The following PPY variants were observed in gnomAD, a reference collection of about 807,000 sequenced individuals.
The protein encoded by PPY is pancreatic polypeptide prohormone.
PPY carries 6 observed loss-of-function variants against 9.3 expected under a neutral mutation model. The observed-to-expected ratio is 0.64, with a 90% confidence interval of 0.35 to 1.27. PPY has a LOEUF of 1.27. Ranked by LOEUF, PPY falls within the 50% of genes most tolerant of loss-of-function variation. The probability of loss-of-function intolerance (pLI) is 0.03; values close to 1 mark genes in which losing one functional copy is unlikely to be tolerated. For synonymous variants in PPY, 58 were observed against 54.6 expected, an observed-to-expected ratio of 1.06 and a Z score of -0.27; for missense variants, 109 against 119.1, an observed-to-expected ratio of 0.91 and a Z score of 0.40.
Position 43,941,051 on chromosome 17 carries a change from C to A in PPY, c.263+92G>T, listed in dbSNP as rs528204576. On this transcript the variant is annotated intron_variant, in intron 3 of 3. Coordinates refer to ENST00000225992, the MANE Select transcript of PPY (RefSeq NM_002722.5). ...GGGCTCCTGTTCTCCCTCTTCCACC[C>A]CCCACTACACCTTTCCAAGCCCTGA... 1.1e-4 allele frequency: 167 copies of A among 1,546,292 alleles called. No individual in the cohort carries two copies. In the African/African-American group the frequency reaches 2.1e-3, roughly 19 times the overall value.
upstream of PPY, among the ~76,000 whole-genome samples, chr17:43,944,016 A>G (rs945068605): frequency 6.6e-6 from 1 of 152,240 alleles, no homozygotes; most frequent in East Asian, 1.9e-4. Flanking sequence ...CTTACATTCC[A>G]CAAAGCAAAT....
upstream of PPY, among the ~76,000 whole-genome samples, chr17:43,942,741 C>T (rs990174978): frequency 1.3e-5 from 2 of 152,230 alleles, no homozygotes; most frequent in East Asian, 1.9e-4. This position sits in a 1 kb window ranked among gnomAD's most constrained non-coding sequence, Gnocchi z 5.3. Flanking sequence ...GGCACCAGAG[C>T]AGGCTTGGTT....
chr17:43,941,660 G>A lies in PPY; in HGVS notation c.1-6C>T. The A allele has an allele frequency of 3.8e-6, 6 of 1,592,518 alleles. No individual in the cohort carries two copies. The highest frequency in any genetic ancestry group is 2.1e-4 in the Middle Eastern group (1 of 4,684). On this transcript the variant is annotated splice_polypyrimidine_tract_variant and splice_region_variant and intron_variant, in intron 1 of 3. Coordinates refer to ENST00000225992, the MANE Select transcript of PPY (RefSeq NM_002722.5). ...CAGAGGCGTGCGGCAGCCATCTGAG[G>A]AGCAAGCAGAGGGGAGGTGGAGAGC...
rs2048584682 is a variant in PPY at position 43,942,260 on chromosome 17, C to T, written c.-1+161G>A. On this transcript the variant is annotated intron_variant, in intron 1 of 3. Transcript: ENST00000225992. This position sits in a 1 kb window ranked among gnomAD's most constrained non-coding sequence, Gnocchi z 5.3. ...ACACACACGTGCAGTCAGCAGACGG[C>T]TCTTCTAGCGTGACAGGTCTGTCCA... 6.4e-6 allele frequency: 1 copy of T among 155,420 alleles called. No individual in the cohort carries two copies. The highest frequency in any genetic ancestry group is 1.4e-5 in the Non-Finnish European group (1 of 69,864). 9.6% of individuals were successfully genotyped at this position (155,420 alleles called of 1,614,324 possible).
chr17:43,941,699 T>G, intron 1 of PPY, 45 bp from the exon 2 acceptor site: 1 of 1,527,188 alleles, frequency 6.5e-7, no homozygotes, highest in South Asian at 1.2e-5. Flanking sequence ...GGCTGCAGAT[T>G]TTCCCGTGCC....
Position 43,941,633 on chromosome 17 carries a change from G to C in PPY, c.22C>G (p.Leu8Val). 3.1e-6 allele frequency: 5 copies of C among 1,611,092 alleles called. No homozygotes were observed. Among genetic ancestry groups the C allele is most frequent in the Non-Finnish European group, 4.2e-6 (5 of 1,179,180 alleles). The change falls in exon 2 of 4, where the codon CTC (leucine) becomes GTC (valine). Residue 8 changes from leucine to valine, a missense_variant. Transcript: ENST00000225992. ...CAGGTGGACAGGAGCAGCAGGGAGA[G>C]GCAGAGGCGTGCGGCAGCCATCTGA... MAAARLC[L>V]SLLLLSTCVA... is the part of the protein sequence containing the mutation.
Position 43,940,846 on chromosome 17 carries a change from C to T in PPY, c.*82G>A. ...ATTGAGCCTGTGTGGGAGCAGGGAG[C>T]AAGCTTTGGCCAGAGCCAAGGGTGC... is the stretch of plus-strand genomic sequence containing the variant. On this transcript the variant is annotated 3_prime_UTR_variant, in exon 4 of 4. Transcript: ENST00000225992. 1 of 1,529,792 alleles carries T rather than the reference C, an allele frequency of 6.5e-7. No individual in the cohort carries two copies. The highest frequency in any genetic ancestry group is 8.9e-7 in the Non-Finnish European group (1 of 1,124,130). The allele number at this position is 1,529,792 out of a possible 1,614,324, so 94.8% of individuals were successfully genotyped here.
chr17:43,941,336 G>T, intron 2 of PPY, 122 bp from the exon 3 acceptor site: 10 of 1,510,418 alleles, frequency 6.6e-6, no homozygotes, highest in Non-Finnish European at 9.0e-6. Flanking sequence ...GAGCACAGAT[G>T]CCCTGTTTTC....
rs773106356 is a variant in PPY at position 43,942,258 on chromosome 17, G to A, written c.-1+163C>T. The A allele has an allele frequency of 3.2e-5, 5 of 155,474 alleles. No homozygotes were observed. The highest frequency in any genetic ancestry group is 4.8e-5 in the African/African-American group (2 of 41,498). 9.6% of individuals were successfully genotyped at this position (155,474 alleles called of 1,614,324 possible). On this transcript the variant is annotated intron_variant, in intron 1 of 3. Transcript: ENST00000225992. This position sits in a 1 kb window ranked among gnomAD's most constrained non-coding sequence, Gnocchi z 5.3. ...GCACACACACGTGCAGTCAGCAGAC[G>A]GCTCTTCTAGCGTGACAGGTCTGTC... is the stretch of plus-strand genomic sequence containing the variant.
upstream of PPY, among the ~76,000 whole-genome samples, chr17:43,942,641 T>C (rs1182081759): frequency 2.0e-5 from 3 of 152,236 alleles, no homozygotes. This position sits in a 1 kb window ranked among gnomAD's most constrained non-coding sequence, Gnocchi z 5.3. Context: ...AGGGCAGTTC[T>C]GTGGGTGCCA....
In PPY at chr17:43,941,472, G is replaced by C; in HGVS notation, c.183C>G (p.Thr61=). 2 of 1,613,874 alleles carry C rather than the reference G, an allele frequency of 1.2e-6. No homozygotes were observed. Among genetic ancestry groups the C allele is most frequent in the Non-Finnish European group, 1.7e-6 (2 of 1,179,992 alleles). The change falls in exon 2 of 4, where the codon ACC becomes ACG. Residue 61 remains threonine (T), a synonymous_variant. Coordinates refer to ENST00000225992, the MANE Select transcript of PPY (RefSeq NM_002722.5). The stretch of plus-strand genomic sequence containing the variant: ...CCAACTGTGGCACACACCTAGGCCT[G>C]GTCAGCATGTTGATGTATCTACGGA... ...ADLRRYINML[T]RPRYGKRHKE...
At chr17:43,941,704 C>CGT in intron 1 of PPY, 50 bp from the exon 2 acceptor site, 4 of 1,516,722 alleles carry the variant, frequency 2.6e-6, no homozygotes, top group South Asian at 1.2e-5. Context: ...CAGATTTTCC[C>CGT]GTGCCCAGGA....
At chr17:43,942,724 C>T (rs1463497345), upstream of PPY, among the ~76,000 whole-genome samples, 1 of 152,236 alleles carries the variant, frequency 6.6e-6, no homozygotes, top group Non-Finnish European at 1.5e-5. The surrounding 1 kb of genome is among the most constrained non-coding windows in gnomAD (Gnocchi z 5.3). Context: ...GACACCCCTT[C>T]CCTTTGGGCA....
chr17:43,943,561 A>G (rs2048591553), upstream of PPY, among the ~76,000 whole-genome samples: 3 of 151,916 alleles, frequency 2.0e-5, no homozygotes, highest in South Asian at 6.2e-4. Flanking sequence ...TCTCTTCCCA[A>G]CCCCCAGTCT....
upstream of PPY, among the ~76,000 whole-genome samples, chr17:43,943,760 G>C (rs934300542): frequency 2.6e-5 from 4 of 151,450 alleles, no homozygotes; most frequent in Non-Finnish European, 4.4e-5. Context: ...GATCTGGCAG[G>C]GTGGGCTTAG....
chr17:43,941,456 G>A lies in PPY; in HGVS notation c.191+8C>T. 4 of 1,613,690 alleles carry A rather than the reference G, an allele frequency of 2.5e-6. No individual in the cohort carries two copies. Among genetic ancestry groups the A allele is most frequent in the Non-Finnish European group, 3.4e-6 (4 of 1,179,918 alleles). ...GCTGGGATCTCTCTCCCCAACTGTG[G>A]CACACACCTAGGCCTGGTCAGCATG... is the stretch of plus-strand genomic sequence containing the variant. On this transcript the variant is annotated splice_region_variant and intron_variant, in intron 2 of 3. Transcript: ENST00000225992.
chr17:43,943,737 G>A (rs2048592750), upstream of PPY, among the ~76,000 whole-genome samples: 1 of 152,164 alleles, frequency 6.6e-6, no homozygotes, highest in Admixed American at 6.5e-5. Flanking sequence ...GGGACTGGAG[G>A]TGAAACTCCA....
intron 1 of PPY, 70 bp from the exon 2 acceptor site, chr17:43,941,724 C>A: frequency 7.0e-7 from 1 of 1,427,212 alleles, no homozygotes; most frequent in Non-Finnish European, 9.5e-7. Context: ...AAGCAGGGCC[C>A]AACTATCCAG....
chr17:43,941,599 A>G lies in PPY; in HGVS notation c.56T>C (p.Leu19Pro), dbSNP rs773287066. The change falls in exon 2 of 4, where the codon CTG becomes CCG. Residue 19 changes from leucine to proline, a missense_variant. Physicochemically the swap from Leu to Pro is moderately conservative, Grantham distance 98. Transcript: ENST00000225992. ...GGCACCCAGCAGTGGCTGTAGTAAC[A>G]GAGCCACGCAGGTGGACAGGAGCAG... is the stretch of plus-strand genomic sequence containing the variant. ...SLLLLSTCVA[L>P]LLQPLLGAQG... 5 of 1,613,498 alleles carry G rather than the reference A, an allele frequency of 3.1e-6. No individual in the cohort carries two copies. The highest frequency in any genetic ancestry group is 4.2e-6 in the Non-Finnish European group (5 of 1,179,960).
Sources: gnomAD v4.1 joint callset for allele counts (sites outside exome capture counted in the v4.1 genomes callset) on GRCh38, gnomAD v4.1.1 for gene constraint, Gnocchi (gnomAD v3.1) non-coding constraint, MANE v1.5 for transcripts, NCBI Gene and HGNC (gene_info 2026-07-23, HGNC 2026-07-21) for gene names.